HEMK2: variants seen among roughly 807,000 people sequenced by gnomAD.
The protein encoded by HEMK2 is methyltransferase HEMK2.
chr21:28,733,065 G>T, the HEMK2 span, among the ~76,000 whole-genome samples: 1 of 152,016 alleles, frequency 6.6e-6, no homozygotes, highest in Non-Finnish European at 1.5e-5. Flanking sequence ...GGATCACAAG[G>T]TCAGGAGATC....
the HEMK2 span, among the ~76,000 whole-genome samples, chr21:28,859,795 C>T: frequency 8.5e-5 from 13 of 152,124 alleles, no homozygotes; most frequent in Admixed American, 6.5e-4. Context: ...CATCCCCCTC[C>T]CCCAGCTCTC....
the HEMK2 span, among the ~76,000 whole-genome samples, chr21:28,838,079 C>A: frequency 6.6e-6 from 1 of 152,232 alleles, no homozygotes; most frequent in East Asian, 1.9e-4. Flanking sequence ...AGCCCAGGAC[C>A]TGACAGATTC....
At chr21:28,879,907 AC>A in the HEMK2 span, 1 of 1,599,982 alleles carries the variant, frequency 6.3e-7, no homozygotes, top group Non-Finnish European at 8.5e-7. Context: ...GGGATTAAAC[AC>A]CAGAAGATCA....
chr21:28,866,152 A>AG, the HEMK2 span, among the ~76,000 whole-genome samples: 2 of 85,084 alleles, frequency 2.4e-5, no homozygotes, highest in Non-Finnish European at 4.9e-5. Context: ...TCTACAGAAA[A>AG]AACAAAAACA....
chr21:28,669,391 G>T, the HEMK2 span, among the ~76,000 whole-genome samples: 1 of 152,080 alleles, frequency 6.6e-6, no homozygotes. Context: ...CTGATGGATT[G>T]GATGTTGGCT....
chr21:28,709,161 C>T, the HEMK2 span, among the ~76,000 whole-genome samples: 30 of 152,286 alleles, frequency 2.0e-4, no homozygotes, highest in South Asian at 1.2e-3. Flanking sequence ...CACCCAAAGG[C>T]CTTCATTGTC....
the HEMK2 span, among the ~76,000 whole-genome samples, chr21:28,756,019 T>A: frequency 6.6e-6 from 1 of 152,192 alleles, no homozygotes; most frequent in Non-Finnish European, 1.5e-5. Flanking sequence ...GCAGCTGAAG[T>A]CAAGTAACTT....
chr21:28,599,921 C>T, the HEMK2 span, among the ~76,000 whole-genome samples: 1 of 152,238 alleles, frequency 6.6e-6, no homozygotes, highest in Non-Finnish European at 1.5e-5. Context: ...TCTCCTTTGA[C>T]TCCGTGTCTC....
the HEMK2 span, among the ~76,000 whole-genome samples, chr21:28,863,411 T>TATAC: frequency 5.4e-5 from 1 of 18,650 alleles, no homozygotes; most frequent in African/African-American, 1.6e-4. Flanking sequence ...AACTCCCTTT[T>TATAC]ATATATATAT....
chr21:28,774,132 A>T, the HEMK2 span, among the ~76,000 whole-genome samples: 1 of 152,162 alleles, frequency 6.6e-6, no homozygotes, highest in Non-Finnish European at 1.5e-5. Context: ...CTTATCTTCA[A>T]AATAAAAGAG....
the HEMK2 span, among the ~76,000 whole-genome samples, chr21:28,829,102 G>T: frequency 6.6e-6 from 1 of 152,170 alleles, no homozygotes; most frequent in African/African-American, 2.4e-5. Flanking sequence ...CTGAAGGCCT[G>T]GAGGGATCCT....
the HEMK2 span, among the ~76,000 whole-genome samples, chr21:28,732,280 C>A: frequency 1.3e-5 from 2 of 152,206 alleles, no homozygotes; most frequent in Non-Finnish European, 2.9e-5. Flanking sequence ...CTGTATAGTT[C>A]TATGTGTGCT....
chr21:28,597,712 G>C, the HEMK2 span, among the ~76,000 whole-genome samples: 2 of 152,146 alleles, frequency 1.3e-5, no homozygotes, highest in East Asian at 3.9e-4. Flanking sequence ...GTACTTTTAG[G>C]ATGAGAGACC....
the HEMK2 span, among the ~76,000 whole-genome samples, chr21:28,761,201 G>A: frequency 6.6e-6 from 1 of 151,918 alleles, no homozygotes; most frequent in Non-Finnish European, 1.5e-5. Context: ...ATAAGAAATG[G>A]ACCCTGAAGA....
chr21:28,691,713 C>CTAT, the HEMK2 span, among the ~76,000 whole-genome samples: 2 of 151,890 alleles, frequency 1.3e-5, no homozygotes, highest in Non-Finnish European at 2.9e-5. Flanking sequence ...AGTGATGTTA[C>CTAT]GATTCAACAG....
the HEMK2 span, among the ~76,000 whole-genome samples, chr21:28,847,423 T>C: frequency 6.6e-6 from 1 of 152,248 alleles, no homozygotes; most frequent in African/African-American, 2.4e-5. Context: ...TACATCTTCT[T>C]CTGAAAAGTG....
the HEMK2 span, among the ~76,000 whole-genome samples, chr21:28,762,429 T>C: frequency 7.3e-6 from 1 of 136,948 alleles, no homozygotes; most frequent in South Asian, 2.1e-4. Flanking sequence ...CAGCCCACTA[T>C]AAAAACAAGG....
the HEMK2 span, among the ~76,000 whole-genome samples, chr21:28,634,670 G>A: frequency 6.6e-6 from 1 of 152,148 alleles, no homozygotes; most frequent in African/African-American, 2.4e-5. Flanking sequence ...GGGTAGTTGT[G>A]TGACTTACTG....
the HEMK2 span, among the ~76,000 whole-genome samples, chr21:28,701,627 T>C: frequency 6.8e-6 from 1 of 146,374 alleles, no homozygotes; most frequent in Non-Finnish European, 1.5e-5. Context: ...CTAACCAGGG[T>C]GGTGAAAGAT....
Sources: gnomAD v4.1 joint callset for allele counts (sites outside exome capture counted in the v4.1 genomes callset) on GRCh38, gnomAD v4.1.1 for gene constraint, MANE v1.5 for transcripts, NCBI Gene and HGNC (gene_info 2026-07-23, HGNC 2026-07-21) for gene names.